MYLK: variants seen among roughly 807,000 people sequenced by gnomAD.
The protein encoded by MYLK is myosin light chain kinase, smooth muscle.
Under a neutral mutation model 203.4 loss-of-function variants are expected in MYLK, and 106 were observed. That is an observed-to-expected ratio of 0.52 (90% CI 0.45 to 0.61). MYLK has a LOEUF of 0.61. Ranked by LOEUF, MYLK falls within the 20% of genes least tolerant of loss-of-function variation. The probability of loss-of-function intolerance (pLI) is 0.00; values close to 1 mark genes in which losing one functional copy is unlikely to be tolerated. For missense variants in MYLK, 2,072 were observed against 2,442.3 expected, an observed-to-expected ratio of 0.85 and a Z score of 3.20; for synonymous variants, 867 against 959.5, an observed-to-expected ratio of 0.90 and a Z score of 1.78.
chr3:123,726,926 T>C (rs1311138410), intron 11 of MYLK, among the ~76,000 whole-genome samples: 1 of 152,190 alleles, frequency 6.6e-6, no homozygotes, highest in Non-Finnish European at 1.5e-5. Context: ...ATATCACTGG[T>C]GCTTTTCAAG....
At chr3:123,742,484 T>A (rs1396663832) in intron 5 of MYLK, among the ~76,000 whole-genome samples, 1 of 151,926 alleles carries the variant, frequency 6.6e-6, no homozygotes, top group Non-Finnish European at 1.5e-5. Flanking sequence ...ATAAATACAA[T>A]GGTAAAGAAG....
At chr3:123,771,975 G>A (rs138406742) in intron 4 of MYLK, among the ~76,000 whole-genome samples, 12 of 152,012 alleles carry the variant, frequency 7.9e-5, no homozygotes, top group African/African-American at 2.7e-4. Context: ...TTTGGGAACC[G>A]TCTACACCTC....
intron 4 of MYLK, among the ~76,000 whole-genome samples, chr3:123,782,205 G>A (rs1003974519): frequency 1.3e-5 from 2 of 152,134 alleles, no homozygotes; most frequent in African/African-American, 4.8e-5. Flanking sequence ...AACACACTAC[G>A]TTAATTATCT....
intron 5 of MYLK, among the ~76,000 whole-genome samples, chr3:123,751,368 T>TAACAGAATTTTTTAAAGTA (rs1205658833): frequency 3.9e-5 from 6 of 152,186 alleles, no homozygotes; most frequent in Non-Finnish European, 8.8e-5. Flanking sequence ...GTTTTAAAGT[T>TAACAGAATTTTTTAAAGTA]AACAGAATTT....
Position 123,614,097 on chromosome 3 carries a change from G to T in MYLK, c.*8C>A, listed in dbSNP as rs1667355322. The T allele has an allele frequency of 1.2e-6, 2 of 1,612,000 alleles. No individual in the cohort carries two copies. Among genetic ancestry groups the T allele is most frequent in the Admixed American group, 1.7e-5 (1 of 59,832 alleles). On this transcript the variant is annotated 3_prime_UTR_variant, in exon 34 of 34. Coordinates refer to ENST00000360304, the MANE Select transcript of MYLK (RefSeq NM_053025.4). ...ATGACTTAGAAACTGCTTTTCTCTGGCTTTGTTTCACTCTTCTTCCTCTTC... is the reference window on the plus strand; with the variant it reads ...ATGACTTAGAAACTGCTTTTCTCTGTCTTTGTTTCACTCTTCTTCCTCTTC...
At chr3:123,856,532 A>T (rs941251106) in intron 2 of MYLK, among the ~76,000 whole-genome samples, 13 of 152,204 alleles carry the variant, frequency 8.5e-5, no homozygotes, top group African/African-American at 1.2e-4. Context: ...AACAGCCTTT[A>T]TTTAATGGGG....
At chr3:123,726,776 T>C (rs1313250539) in intron 11 of MYLK, among the ~76,000 whole-genome samples, 2 of 152,096 alleles carry the variant, frequency 1.3e-5, no homozygotes, top group Non-Finnish European at 2.9e-5. Flanking sequence ...ATCAGTGAAT[T>C]AGGGGACATT....
At chr3:123,638,703 T>C in intron 28 of MYLK, 6 of 961,514 alleles carry the variant, frequency 6.2e-6, no homozygotes, top group Non-Finnish European at 7.4e-6. Context: ...CAAGCCCAGG[T>C]AGTCCAACTC....
intron 2 of MYLK, among the ~76,000 whole-genome samples, chr3:123,840,810 A>T (rs1441358733): frequency 6.6e-6 from 1 of 152,064 alleles, no homozygotes. Context: ...AAACTACATA[A>T]TCATTTTATT....
At chr3:123,774,321 G>A (rs544512207) in intron 4 of MYLK, among the ~76,000 whole-genome samples, 2 of 152,140 alleles carry the variant, frequency 1.3e-5, no homozygotes, top group Non-Finnish European at 2.9e-5. Flanking sequence ...CAGGGTCAGT[G>A]GAGACTGCAT....
At chr3:123,779,486 C>G (rs2064209252) in intron 4 of MYLK, among the ~76,000 whole-genome samples, 1 of 152,220 alleles carries the variant, frequency 6.6e-6, no homozygotes, top group Admixed American at 6.5e-5. Context: ...GTTCTTCACA[C>G]TCCACAGACA....
intron 19 of MYLK, chr3:123,691,544 T>G (rs1266325638): frequency 1.3e-5 from 2 of 152,274 alleles, no homozygotes; most frequent in Admixed American, 1.3e-4. Flanking sequence ...AGACTTTCTT[T>G]TCCACCTCTC....
At chr3:123,814,918 G>C (rs1276251041) in intron 3 of MYLK, among the ~76,000 whole-genome samples, 1 of 151,790 alleles carries the variant, frequency 6.6e-6, no homozygotes, top group East Asian at 1.9e-4. Context: ...TCAGCCTCCC[G>C]AGTAGCTAGG....
intron 31 of MYLK, chr3:123,624,088 A>G (rs968642901): frequency 6.6e-6 from 1 of 152,190 alleles, no homozygotes; most frequent in African/African-American, 2.4e-5. Flanking sequence ...CGGGCAGCCA[A>G]CGCAGCAGCA....
chr3:123,828,806 C>A (rs530025739), intron 3 of MYLK, among the ~76,000 whole-genome samples: 1 of 152,228 alleles, frequency 6.6e-6, no homozygotes, highest in South Asian at 2.1e-4. Flanking sequence ...ACAGACATTT[C>A]TCAAAAGAAG....
chr3:123,723,996 T>G (rs1490314732), intron 12 of MYLK, among the ~76,000 whole-genome samples: 1 of 152,210 alleles, frequency 6.6e-6, no homozygotes, highest in Admixed American at 6.5e-5. Context: ...AAAGTTTTAC[T>G]GCAACATAGC....
intron 5 of MYLK, among the ~76,000 whole-genome samples, chr3:123,742,719 A>G (rs977952463): frequency 6.6e-6 from 1 of 151,304 alleles, no homozygotes; most frequent in East Asian, 1.9e-4. Context: ...TTTTATAAAA[A>G]TTAGACTGAT....
intron 20 of MYLK, among the ~76,000 whole-genome samples, chr3:123,677,918 T>TATATATATATATATATATAC (rs1273803739): frequency 7.5e-4 from 59 of 78,788 alleles, no homozygotes; most frequent in Non-Finnish European, 8.9e-4. Context: ...TATATATATA[T>TATATATATATATATATATAC]ACACACACAC....
chr3:123,827,668 T>C (rs1311959297), intron 3 of MYLK, among the ~76,000 whole-genome samples: 1 of 127,316 alleles, frequency 7.9e-6, no homozygotes, highest in Non-Finnish European at 1.6e-5. Context: ...GATTCTTACA[T>C]CTGGAAATGA....
Sources: gnomAD v4.1 joint callset for allele counts (sites outside exome capture counted in the v4.1 genomes callset) on GRCh38, gnomAD v4.1.1 for gene constraint, MANE v1.5 for transcripts, NCBI Gene and HGNC (gene_info 2026-07-23, HGNC 2026-07-21) for gene names.